APBA1: variants seen among roughly 807,000 people sequenced by gnomAD.
The protein encoded by APBA1 is amyloid-beta A4 precursor protein-binding family A member 1.
In APBA1, 55 loss-of-function variants were observed where a neutral mutation model predicts 86.6. The ratio of observed to expected loss-of-function variants is 0.64; its 90% confidence interval spans 0.51 to 0.80. APBA1 has a LOEUF of 0.80. Among genes scored for constraint, APBA1 ranks in the 30% least tolerant of loss-of-function variants. The pLI is 0.00. For synonymous variants in APBA1, 511 were observed against 493.9 expected, an observed-to-expected ratio of 1.03 and a Z score of -0.46; for missense variants, 1,090 against 1,183.0, an observed-to-expected ratio of 0.92 and a Z score of 1.15.
chr9:69,570,846 A>G (rs763221127), intron 1 of APBA1, among the ~76,000 whole-genome samples: 15 of 152,220 alleles, frequency 9.9e-5, no homozygotes, highest in Non-Finnish European at 2.9e-5. Context: ...ACCAAAGCCT[A>G]TGATTAGAAC....
chr9:69,533,222 AAG>A (rs773530989), intron 1 of APBA1, among the ~76,000 whole-genome samples: 45 of 152,188 alleles, frequency 3.0e-4, no homozygotes, highest in Non-Finnish European at 6.2e-4. Context: ...AATGATAAGT[AAG>A]AAATTAATAA....
At chr9:69,583,486 A>G (rs1003953868) in intron 1 of APBA1, among the ~76,000 whole-genome samples, 10 of 152,196 alleles carry the variant, frequency 6.6e-5, no homozygotes, top group Admixed American at 2.0e-4. Context: ...CTGAACCACA[A>G]AATTACCTGT....
intron 4 of APBA1, among the ~76,000 whole-genome samples, chr9:69,468,784 G>A (rs1335735288): frequency 1.3e-5 from 2 of 152,170 alleles, no homozygotes; most frequent in African/African-American, 2.4e-5. Context: ...ATTAAAACGT[G>A]TCTGTGATTA....
chr9:69,483,180 A>G (rs1039362491), intron 2 of APBA1, among the ~76,000 whole-genome samples: 6 of 151,642 alleles, frequency 4.0e-5, no homozygotes, highest in Non-Finnish European at 8.8e-5. Context: ...AAAGAATTCC[A>G]CAGCAATGGT....
At chr9:69,670,171 T>C (rs1378287593) in intron 1 of APBA1, among the ~76,000 whole-genome samples, 2 of 152,080 alleles carry the variant, frequency 1.3e-5, no homozygotes, top group African/African-American at 4.8e-5. Context: ...CATGGGGAAA[T>C]TTACTTTACA....
chr9:69,641,155 T>C (rs1823280528), intron 1 of APBA1, among the ~76,000 whole-genome samples: 1 of 152,170 alleles, frequency 6.6e-6, no homozygotes, highest in Non-Finnish European at 1.5e-5. Flanking sequence ...AATGACATTT[T>C]AATATACTAG....
At chr9:69,604,185 G>T (rs972388051) in intron 1 of APBA1, among the ~76,000 whole-genome samples, 1 of 152,162 alleles carries the variant, frequency 6.6e-6, no homozygotes, top group Non-Finnish European at 1.5e-5. Flanking sequence ...CATGAGTGTG[G>T]GCACGCATGC....
chr9:69,625,220 G>A lies in APBA1; in HGVS notation c.-70+46933C>T, dbSNP rs1018065247. 2.6e-5 allele frequency among the ~76,000 whole-genome samples: 4 copies of A among 152,208 alleles called. No homozygotes were observed. The South Asian group carries it at 8.3e-4, about 32-fold the overall frequency. Reference sequence around the variant, plus strand: ...TGTTCCTTCTGGAATGTTTTCCCAGGACTGCTCCTTTTTGACAATGGGATC... The same window carrying A: ...TGTTCCTTCTGGAATGTTTTCCCAGAACTGCTCCTTTTTGACAATGGGATC... On this transcript the variant is annotated intron_variant, in intron 1 of 12. Coordinates refer to ENST00000265381, the MANE Select transcript of APBA1 (RefSeq NM_001163.4).
chr9:69,652,787 G>C (rs1375983447), intron 1 of APBA1, among the ~76,000 whole-genome samples: 3 of 152,154 alleles, frequency 2.0e-5, no homozygotes, highest in East Asian at 1.9e-4. Context: ...TCAGGAGATG[G>C]AGACCATTCT....
At chr9:69,553,449 A>G (rs1171029094) in intron 1 of APBA1, among the ~76,000 whole-genome samples, 1 of 152,170 alleles carries the variant, frequency 6.6e-6, no homozygotes, top group Non-Finnish European at 1.5e-5. Context: ...CTTGAACTTC[A>G]TAAAAATCTA....
intron 12 of APBA1, 102 bp from the exon 13 acceptor site, chr9:69,431,500 G>A: frequency 9.8e-7 from 1 of 1,015,410 alleles, no homozygotes; most frequent in Non-Finnish European, 1.5e-6. Flanking sequence ...TCCCACAGAG[G>A]GCTTTGAAGA....
chr9:69,486,683 G>C lies in APBA1; in HGVS notation c.1201-10540C>G, dbSNP rs1440802159. ...GAGTAGTATGGGACAGGAAAGCAGA[G>C]GAAGATACTGGAAACACAGGCAGGG... is the stretch of plus-strand genomic sequence containing the variant. On this transcript the variant is annotated intron_variant, in intron 2 of 12. Transcript: ENST00000265381. Among the ~76,000 whole-genome samples, 3 of 151,908 alleles carry C rather than the reference G, an allele frequency of 2.0e-5. 1 individual carries two copies. Among genetic ancestry groups the C allele is most frequent in the Non-Finnish European group, 4.4e-5 (3 of 68,000 alleles).
At chr9:69,589,251 C>T (rs571586718) in intron 1 of APBA1, among the ~76,000 whole-genome samples, 53 of 152,214 alleles carry the variant, frequency 3.5e-4, no homozygotes, top group Non-Finnish European at 3.5e-4. Flanking sequence ...CCACTGCTCC[C>T]GGTGTGTCTC....
At chr9:69,541,261 C>CA (rs1427132991) in intron 1 of APBA1, among the ~76,000 whole-genome samples, 1 of 147,178 alleles carries the variant, frequency 6.8e-6, no homozygotes, top group Admixed American at 6.9e-5. Context: ...ACCCCCCCCC[C>CA]CATTCTGTTT....
At chr9:69,540,754 G>A (rs1028319414) in intron 1 of APBA1, among the ~76,000 whole-genome samples, 1 of 151,958 alleles carries the variant, frequency 6.6e-6, no homozygotes, top group Non-Finnish European at 1.5e-5. Context: ...ATGAACTACC[G>A]CACCCGGCTA....
chr9:69,496,142 G>A (rs1349775699), intron 2 of APBA1, among the ~76,000 whole-genome samples: 1 of 152,146 alleles, frequency 6.6e-6, no homozygotes, highest in Admixed American at 6.5e-5. Context: ...GGAGCTCTTG[G>A]AAACAGAGGC....
chr9:69,631,837 A>C lies in APBA1; in HGVS notation c.-70+40316T>G, dbSNP rs186631206. ...AACCAAATGCCGCATGTTCTCACTC[A>C]TAGATGGGAATTGAACAATGAGAAC... On this transcript the variant is annotated intron_variant, in intron 1 of 12. Coordinates refer to ENST00000265381, the MANE Select transcript of APBA1 (RefSeq NM_001163.4). Among the ~76,000 whole-genome samples, 103 of 152,290 alleles carry C rather than the reference A, an allele frequency of 6.8e-4. 1 individual carries two copies. Among genetic ancestry groups the C allele is most frequent in the Middle Eastern group, 3.4e-3 (1 of 294 alleles).
chr9:69,664,196 T>C (rs1400037325), intron 1 of APBA1, among the ~76,000 whole-genome samples: 1 of 152,138 alleles, frequency 6.6e-6, no homozygotes, highest in Non-Finnish European at 1.5e-5. Context: ...TGAAAGAAGA[T>C]AAATGACTGA....
At chr9:69,500,168 A>C (rs1400287688) in intron 2 of APBA1, among the ~76,000 whole-genome samples, 1 of 152,076 alleles carries the variant, frequency 6.6e-6, no homozygotes, top group African/African-American at 2.4e-5. Context: ...TGGGCAGCCC[A>C]GTGGGGGATC....
Sources: gnomAD v4.1 joint callset for allele counts (sites outside exome capture counted in the v4.1 genomes callset) on GRCh38, gnomAD v4.1.1 for gene constraint, MANE v1.5 for transcripts, NCBI Gene and HGNC (gene_info 2026-07-23, HGNC 2026-07-21) for gene names.